Variants in CLEC16A observed in about 807,000 individuals in gnomAD.
The protein encoded by CLEC16A is C-type lectin domain containing 16A, also known as protein CLEC16A.
CLEC16A carries 51 observed loss-of-function variants against 109.5 expected under a neutral mutation model. The ratio of observed to expected loss-of-function variants is 0.47; its 90% confidence interval spans 0.37 to 0.59. The LOEUF (loss-of-function observed/expected upper bound fraction) is 0.59, where lower values mean the gene tolerates loss of function less well. Among genes scored for constraint, CLEC16A ranks in the 20% least tolerant of loss-of-function variants. The probability of loss-of-function intolerance (pLI) is 0.00; values close to 1 mark genes in which losing one functional copy is unlikely to be tolerated. For synonymous variants in CLEC16A, 673 were observed against 564.2 expected, an observed-to-expected ratio of 1.19 and a Z score of -2.73; for missense variants, 1,339 against 1,394.0, an observed-to-expected ratio of 0.96 and a Z score of 0.63.
chr16:11,162,323 G>A (rs1441577626), intron 22 of CLEC16A, among the ~76,000 whole-genome samples: 1 of 152,236 alleles, frequency 6.6e-6, no homozygotes, highest in African/African-American at 2.4e-5. Flanking sequence ...GTGAGTCCAG[G>A]GGAGAGAGCT....
At chr16:10,978,376 A>G (rs2146578129) in intron 8 of CLEC16A, among the ~76,000 whole-genome samples, 2 of 152,342 alleles carry the variant, frequency 1.3e-5, no homozygotes, top group East Asian at 3.9e-4. Context: ...GCTGGTCACC[A>G]TGCAGAGGTG....
At chr16:11,086,511 G>GT (rs1226117789) in intron 19 of CLEC16A, among the ~76,000 whole-genome samples, 2 of 152,140 alleles carry the variant, frequency 1.3e-5, no homozygotes, top group Non-Finnish European at 2.9e-5. Context: ...AATTCAGATG[G>GT]GGATGGTGAG....
chr16:10,977,303 C>G lies in CLEC16A; in HGVS notation c.807C>G (p.Ile269Met). 6.2e-7 allele frequency: 1 copy of G among 1,613,992 alleles called. No homozygotes were observed. Among genetic ancestry groups the G allele is most frequent in the Non-Finnish European group, 8.5e-7 (1 of 1,179,882 alleles). Reference sequence around the variant, plus strand: ...TGCACTATCTCAATGACATCCTGATCATCAACTGTGAGTTCCTCAACGATG... The same window carrying G: ...TGCACTATCTCAATGACATCCTGATGATCAACTGTGAGTTCCTCAACGATG... ...DHLHYLNDIL[I>M]INCEFLNDVL... The change falls in exon 8 of 24, where the codon ATC becomes ATG. Residue 269 changes from isoleucine (I) to methionine (M), a missense_variant. Transcript: ENST00000409790.
intron 6 of CLEC16A, 76 bp downstream of exon 6, chr16:10,972,635 A>G: frequency 7.3e-7 from 1 of 1,365,518 alleles, no homozygotes; most frequent in Non-Finnish European, 1.0e-6. Context: ...GAATGGTGTA[A>G]TTCTCAGTGT....
chr16:11,118,395 G>A (rs2153019959), intron 19 of CLEC16A, among the ~76,000 whole-genome samples: 2 of 152,284 alleles, frequency 1.3e-5, no homozygotes, highest in African/African-American at 4.8e-5. Flanking sequence ...TTTACAAATG[G>A]GAAAACTGGT....
chr16:11,105,154 TGTGGCATTCC>T (rs1218895590), intron 19 of CLEC16A, among the ~76,000 whole-genome samples: 1 of 152,194 alleles, frequency 6.6e-6, no homozygotes, highest in African/African-American at 2.4e-5. Context: ...ACTATGCAAA[TGTGGCATTCC>T]GAGAGCAGAG....
chr16:11,124,712 C>G (rs1414366687), intron 21 of CLEC16A, among the ~76,000 whole-genome samples: 1 of 152,156 alleles, frequency 6.6e-6, no homozygotes, highest in Non-Finnish European at 1.5e-5. Flanking sequence ...AGTTCAGGCA[C>G]CAGTGCTCAT....
chr16:10,991,524 G>T (rs8059319), intron 10 of CLEC16A, among the ~76,000 whole-genome samples: 13,442 of 152,086 alleles, frequency 0.088, 1,973 homozygotes, highest in African/African-American at 0.3. Flanking sequence ...ATGTGGCAAG[G>T]GGATGGGAAG....
intron 19 of CLEC16A, among the ~76,000 whole-genome samples, chr16:11,086,248 G>A (rs1332945431): frequency 6.6e-6 from 1 of 152,196 alleles, no homozygotes; most frequent in African/African-American, 2.4e-5. Flanking sequence ...AGGCCATGGG[G>A]CTGGTGGGGA....
chr16:11,130,165 G>A (rs746664680), intron 22 of CLEC16A, among the ~76,000 whole-genome samples: 1 of 152,184 alleles, frequency 6.6e-6, no homozygotes, highest in Non-Finnish European at 1.5e-5. Context: ...TTGCCTGCGT[G>A]GGAACCTTCT....
chr16:11,125,478 G>A (rs2052738246), intron 21 of CLEC16A, among the ~76,000 whole-genome samples: 1 of 152,198 alleles, frequency 6.6e-6, no homozygotes, highest in African/African-American at 2.4e-5. Context: ...ATTTATGGAA[G>A]GGAGGTTAGT....
chr16:11,083,350 G>A (rs191355342), intron 19 of CLEC16A, among the ~76,000 whole-genome samples: 1 of 152,258 alleles, frequency 6.6e-6, no homozygotes, highest in Non-Finnish European at 1.5e-5. Flanking sequence ...TTTTTGTAGA[G>A]ACAGTATTTT....
chr16:11,135,337 A>G (rs2053494013), intron 22 of CLEC16A, among the ~76,000 whole-genome samples: 1 of 152,208 alleles, frequency 6.6e-6, no homozygotes, highest in African/African-American at 2.4e-5. Flanking sequence ...CAGCCAGAGA[A>G]GGAACCGCGT....
intron 13 of CLEC16A, among the ~76,000 whole-genome samples, chr16:11,029,929 C>T (rs2046640096): frequency 6.6e-6 from 1 of 152,206 alleles, no homozygotes. Flanking sequence ...TGCTTCCTGT[C>T]ATGCTAGATT....
In CLEC16A at chr16:10,982,491, G is replaced by A. The variant is rs116163107; in HGVS notation, c.958-387G>A. Among the ~76,000 whole-genome samples, 1,193 of 152,306 alleles carry A rather than the reference G, an allele frequency of 7.8e-3. 16 individuals are homozygous for A. The highest frequency in any genetic ancestry group is 0.027 in the African/African-American group (1,116 of 41,550). On this transcript the variant is annotated intron_variant, in intron 9 of 23. Coordinates refer to ENST00000409790, the MANE Select transcript of CLEC16A (RefSeq NM_015226.3). The stretch of plus-strand genomic sequence containing the variant: ...CTTGTATCACTAAAGTATTGGGACA[G>A]TGCCTTCTAGTCTTCTCATAACCAA...
At chr16:11,041,059 G>A (rs940975119) in intron 14 of CLEC16A, 1 of 152,204 alleles carries the variant, frequency 6.6e-6, no homozygotes, top group Non-Finnish European at 1.5e-5. Flanking sequence ...GTTTGCATAA[G>A]AGCAGTTGTC....
intron 10 of CLEC16A, among the ~76,000 whole-genome samples, chr16:11,000,184 A>G (rs1363590559): frequency 6.6e-6 from 1 of 152,186 alleles, no homozygotes; most frequent in Non-Finnish European, 1.5e-5. Flanking sequence ...CTAGGGGGCC[A>G]GAATTACTCT....
intron 5 of CLEC16A, among the ~76,000 whole-genome samples, chr16:10,972,235 G>T (rs1031708508): frequency 6.6e-6 from 1 of 152,180 alleles, no homozygotes; most frequent in African/African-American, 2.4e-5. Context: ...TCCTGCAGTT[G>T]GGGGGGTCAG....
At position 10,990,973 on chromosome 16, in the gene CLEC16A, A is replaced by G. The variant is rs374102613; in HGVS notation, c.1071+7982A>G. Among the ~76,000 whole-genome samples the G allele has an allele frequency of 5.6e-4, 85 of 152,232 alleles. No homozygotes were observed. In the Middle Eastern group the frequency reaches 0.014, roughly 24 times the overall value. ...AGCCAGGTCAGTATTATTTATTCAG[A>G]TATTCAGCAGATAATTATTGGGTAT... On this transcript the variant is annotated intron_variant, in intron 10 of 23. Coordinates refer to ENST00000409790, the MANE Select transcript of CLEC16A (RefSeq NM_015226.3).
Sources: allele counts gnomAD v4.1 joint callset (sites outside exome capture counted in the v4.1 genomes callset), GRCh38; gene constraint gnomAD v4.1.1; transcripts MANE v1.5; gene names NCBI Gene and HGNC (gene_info 2026-07-23, HGNC 2026-07-21).